SUPV3L1: variants seen among roughly 807,000 people sequenced by gnomAD.
SUPV3L1 encodes Suv3 like RNA helicase, also known as ATP-dependent RNA helicase SUPV3L1, mitochondrial.
Under a neutral mutation model 70.0 loss-of-function variants are expected in SUPV3L1, and 35 were observed. That is an observed-to-expected ratio of 0.50 (90% CI 0.38 to 0.66). The LOEUF (loss-of-function observed/expected upper bound fraction) is 0.66, where lower values mean the gene tolerates loss of function less well. Ranked by LOEUF, SUPV3L1 falls within the 30% of genes least tolerant of loss-of-function variation. The pLI is 0.00. For missense variants in SUPV3L1, 777 were observed against 961.5 expected (o/e 0.81, Z 2.54); for synonymous variants, 364 against 341.9 (o/e 1.06, Z -0.71).
At chr10:69,200,600 G>T in intron 11 of SUPV3L1, 101 bp downstream of exon 11, 1 of 1,041,276 alleles carries the variant, frequency 9.6e-7, no homozygotes. Flanking sequence ...TCTGGATACA[G>T]ACATAAGTGA....
At chr10:69,204,616 C>T (rs1355283711) in intron 13 of SUPV3L1, among the ~76,000 whole-genome samples, 1 of 150,602 alleles carries the variant, frequency 6.6e-6, no homozygotes, top group Non-Finnish European at 1.5e-5. Flanking sequence ...TTACAGATAG[C>T]TTAAATGTGG....
At position 69,189,503 on chromosome 10, in the gene SUPV3L1, A is replaced by G. The variant is rs950011181; in HGVS notation, c.741+68A>G. ...TCTTTTTTGGTGGGAGTGGGAAAAG[A>G]TGTTTGTAGTAATTTACTGTTAACA... On this transcript the variant is annotated intron_variant, in intron 5 of 14. Transcript: ENST00000359655. 4 of 1,478,882 alleles carry G rather than the reference A, an allele frequency of 2.7e-6. No homozygotes were observed. In the African/African-American group the frequency reaches 4.2e-5, roughly 16 times the overall value. 91.6% of individuals were successfully genotyped at this position (1,478,882 alleles called of 1,614,324 possible). A position where few individuals can be genotyped will look rare whatever the true frequency, so the allele number is the denominator to read the frequency against.
chr10:69,189,137 T>G (rs1270805207), intron 4 of SUPV3L1, 130 bp from the exon 5 acceptor site: 2 of 943,384 alleles, frequency 2.1e-6, no homozygotes, highest in Non-Finnish European at 3.0e-6. Context: ...AACCCATTGT[T>G]TAGTTTTTCA....
Position 69,195,265 on chromosome 10 carries a change from G to A in SUPV3L1, c.931G>A (p.Gly311Arg). 1 of 1,601,116 alleles carries A rather than the reference G, an allele frequency of 6.2e-7. No individual in the cohort carries two copies. Reference protein sequence around the residue: ...RGWAWTRALLGLCAEEVHLCG... With the variant: ...RGWAWTRALLRLCAEEVHLCG... Reference sequence around the variant, plus strand: ...ATGGGCCTGGACCAGAGCACTTCTAGGTTGGTGGTCGTAATGCTATAAAAC... The same window carrying A: ...ATGGGCCTGGACCAGAGCACTTCTAAGTTGGTGGTCGTAATGCTATAAAAC... The change falls in exon 7 of 15, where the codon GGA (glycine) becomes AGA (arginine). Residue 311 changes from glycine (G) to arginine (R), a missense_variant and splice_region_variant. By Grantham distance (125) the Gly-to-Arg change is moderately radical. Transcript: ENST00000359655.
chr10:69,180,794 C>T (rs985499499), intron 1 of SUPV3L1, among the ~76,000 whole-genome samples: 4 of 152,312 alleles, frequency 2.6e-5, no homozygotes, highest in African/African-American at 4.8e-5. Context: ...CCTTTTACTG[C>T]CCTGCTCTCT....
At chr10:69,188,846 T>C (rs1374597040) in intron 4 of SUPV3L1, among the ~76,000 whole-genome samples, 1 of 152,176 alleles carries the variant, frequency 6.6e-6, no homozygotes, top group Non-Finnish European at 1.5e-5. Context: ...GTTATTCCAC[T>C]ATGGCCAGAG....
chr10:69,202,597 G>T, intron 12 of SUPV3L1, 78 bp downstream of exon 12: 1 of 1,337,950 alleles, frequency 7.5e-7, no homozygotes. Context: ...TCATGAGCAT[G>T]AATGGATAGT....
In SUPV3L1 at chr10:69,180,434, C is replaced by T. The variant is rs753829450; in HGVS notation, c.143C>T (p.Ala48Val). 1.2e-6 allele frequency: 2 copies of T among 1,614,282 alleles called. No homozygotes were observed. Among genetic ancestry groups the T allele is most frequent in the Non-Finnish European group, 1.7e-6 (2 of 1,180,054 alleles). ...VLGQVSVLAT[A>V]SSSASGGSKI... The stretch of plus-strand genomic sequence containing the variant: ...GGGCAAGTTTCTGTCCTTGCCACCG[C>T]CTCCTCCTCTGCCTCCGGTGGCTCC... The change falls in exon 1 of 15, where the codon GCC (alanine) becomes GTC (valine). Residue 48 changes from alanine to valine, a missense_variant. Ala to Val is a moderately conservative substitution (Grantham distance 64). This residue lies in a region of SUPV3L1 where 158 missense variants were observed against 138.3 expected (regional missense o/e 1.14). Coordinates refer to ENST00000359655, the MANE Select transcript of SUPV3L1 (RefSeq NM_003171.5).
intron 8 of SUPV3L1, 131 bp from the exon 9 acceptor site, chr10:69,198,241 T>A: frequency 1.4e-6 from 1 of 691,414 alleles, no homozygotes; most frequent in South Asian, 3.0e-5. Context: ...TTTCTGTGTT[T>A]TCTTTTGAAA....
chr10:69,192,689 T>C (rs1370899084), intron 6 of SUPV3L1: 1 of 152,260 alleles, frequency 6.6e-6, no homozygotes, highest in Non-Finnish European at 1.5e-5. Flanking sequence ...ACTGCCACAA[T>C]GAGCTTCTAT....
chr10:69,194,483 C>T (rs1052771537), intron 6 of SUPV3L1, among the ~76,000 whole-genome samples: 106 of 152,184 alleles, frequency 7.0e-4, no homozygotes, highest in African/African-American at 2.4e-3. Flanking sequence ...TCCAGAGTAG[C>T]TGGGACTACA....
chr10:69,180,692 G>C, intron 1 of SUPV3L1, 130 bp downstream of exon 1: 1 of 1,260,788 alleles, frequency 7.9e-7, no homozygotes, highest in African/African-American at 1.5e-5. Flanking sequence ...GCCTCTCAGT[G>C]TCTGCCTCCT....
rs764588240 is a variant in SUPV3L1, at chr10:69,208,083, A to G, written c.1925+142A>G. ...GTCTATTGTCCATAAAGGCAATTCA[A>G]CTGATGGAATGGTTTCCCATTCCAA... On this transcript the variant is annotated intron_variant, in intron 14 of 14. Coordinates refer to ENST00000359655, the MANE Select transcript of SUPV3L1 (RefSeq NM_003171.5). 318 of 1,083,578 alleles carry G rather than the reference A, an allele frequency of 2.9e-4. 1 individual carries two copies. Among genetic ancestry groups the G allele is most frequent in the Non-Finnish European group, 3.7e-4 (279 of 762,400 alleles). 67.1% of individuals were successfully genotyped at this position (1,083,578 alleles called of 1,614,324 possible).
Position 69,208,889 on chromosome 10 carries a change from C to G in SUPV3L1, c.2215C>G (p.Gln739Glu). 6.2e-7 allele frequency: 1 copy of G among 1,614,008 alleles called. No homozygotes were observed. The highest frequency in any genetic ancestry group is 1.6e-4 in the Middle Eastern group (1 of 6,062). Residue 739 changes from glutamine to glutamate, a missense_variant, in exon 15 of 15, where the codon CAG becomes GAG. Gln to Glu is a conservative substitution (Grantham distance 29, BLOSUM62 2). Around this residue, in one of 2 missense-constraint regions of SUPV3L1, gnomAD observed 619 missense variants for 823.3 expected, o/e 0.75. Coordinates refer to ENST00000359655, the MANE Select transcript of SUPV3L1 (RefSeq NM_003171.5). ...GCTGTCCCTTGCTTCCAGATTGGTG[C>G]AGCAAGGACTCCTCACTCCAGACAT... The part of the protein sequence containing the change: ...GELSLASRLV[Q>E]QGLLTPDMLK...
chr10:69,191,229 G>C (rs540965289), intron 5 of SUPV3L1, among the ~76,000 whole-genome samples: 1 of 132,224 alleles, frequency 7.6e-6, no homozygotes, highest in African/African-American at 2.7e-5. Flanking sequence ...AAAAGCATTG[G>C]GAATTTTTTT....
intron 7 of SUPV3L1, among the ~76,000 whole-genome samples, 175 bp from the exon 8 acceptor site, chr10:69,196,817 G>A (rs1842555162): frequency 6.6e-6 from 1 of 152,096 alleles, no homozygotes; most frequent in Non-Finnish European, 1.5e-5. Flanking sequence ...GATAATCTTT[G>A]CCCATTAGAA....
intron 5 of SUPV3L1, 147 bp downstream of exon 5, chr10:69,189,582 A>G (rs1175078709): frequency 1.4e-5 from 10 of 701,846 alleles, no homozygotes; most frequent in Non-Finnish European, 1.9e-5. Context: ...AAGATGTACC[A>G]TTATTTTATA....
intron 11 of SUPV3L1, among the ~76,000 whole-genome samples, chr10:69,200,972 A>C (rs951816920): frequency 2.0e-5 from 3 of 152,228 alleles, no homozygotes; most frequent in African/African-American, 7.2e-5. Flanking sequence ...AGAATTGTAC[A>C]TATTTGAAAC....
At chr10:69,202,557 G>T (rs1478914494) in intron 12 of SUPV3L1, 38 bp downstream of exon 12, 2 of 1,575,204 alleles carry the variant, frequency 1.3e-6, no homozygotes, top group Admixed American at 1.7e-5. Flanking sequence ...CCCTAAAAAT[G>T]TTGATATGTC....
Sources: allele counts gnomAD v4.1 joint callset (sites outside exome capture counted in the v4.1 genomes callset), GRCh38; gene constraint gnomAD v4.1.1; regional missense constraint gnomAD v4.1.1; transcripts MANE v1.5; gene names NCBI Gene and HGNC (gene_info 2026-07-23, HGNC 2026-07-21).